Variants in MACROD2 observed in about 807,000 individuals in gnomAD.
MACROD2 encodes mono-ADP ribosylhydrolase 2.
MACROD2 carries 36 observed loss-of-function variants against 70.4 expected under a neutral mutation model. The ratio of observed to expected loss-of-function variants is 0.51; its 90% CI spans 0.39 to 0.68. The LOEUF (loss-of-function observed/expected upper bound fraction) is 0.68. Among genes scored for constraint, MACROD2 ranks in the 30% least tolerant of loss-of-function variants. MACROD2 has a pLI of 0.00. For synonymous variants in MACROD2, 172 were observed against 178.8 expected (o/e 0.96, Z 0.30); for missense variants, 496 against 538.4 (o/e 0.92, Z 0.78).
chr20:14,338,788 C>G (rs781500249), intron 3 of MACROD2, among the ~76,000 whole-genome samples: 1 of 152,078 alleles, frequency 6.6e-6, no homozygotes, highest in Non-Finnish European at 1.5e-5. Context: ...ATTTCTATGC[C>G]TAATTAACAG....
At chr20:15,067,014 GA>G (rs538398938) in intron 5 of MACROD2, among the ~76,000 whole-genome samples, 6 of 151,966 alleles carry the variant, frequency 3.9e-5, no homozygotes, top group South Asian at 2.1e-4. Flanking sequence ...ACAAAGAATG[GA>G]AAAAAAGTAA....
intron 5 of MACROD2, among the ~76,000 whole-genome samples, chr20:15,199,735 T>C (rs1007618893): frequency 6.6e-6 from 1 of 152,220 alleles, no homozygotes; most frequent in Admixed American, 6.5e-5. Context: ...CATGCTGTTT[T>C]AAAGTTTGTT....
intron 2 of MACROD2, among the ~76,000 whole-genome samples, chr20:14,056,200 C>T (rs1412893265): frequency 6.6e-6 from 1 of 151,994 alleles, no homozygotes; most frequent in Non-Finnish European, 1.5e-5. Context: ...AAATTATTAG[C>T]AAACACTTAT....
intron 5 of MACROD2, among the ~76,000 whole-genome samples, chr20:15,089,595 G>A (rs1224103702): frequency 1.3e-5 from 2 of 152,012 alleles, no homozygotes; most frequent in Admixed American, 6.6e-5. Flanking sequence ...ATGGCCCAAA[G>A]CAAAAGGTCT....
chr20:15,366,731 T>C (rs1206275896), intron 6 of MACROD2, among the ~76,000 whole-genome samples: 1 of 151,514 alleles, frequency 6.6e-6, no homozygotes, highest in East Asian at 2.0e-4. Flanking sequence ...TTTTTTTATT[T>C]CTTAGTTTCT....
At chr20:14,511,315 T>C (rs1436142787) in intron 4 of MACROD2, among the ~76,000 whole-genome samples, 1 of 152,074 alleles carries the variant, frequency 6.6e-6, no homozygotes, top group African/African-American at 2.4e-5. Context: ...CTTGAGGGGA[T>C]GGACACCCCA....
At chr20:14,987,267 T>G (rs1315163516) in intron 5 of MACROD2, among the ~76,000 whole-genome samples, 2 of 152,142 alleles carry the variant, frequency 1.3e-5, no homozygotes, top group Non-Finnish European at 2.9e-5. Context: ...CTTACTTATT[T>G]CTGGAATGGT....
At position 15,401,791 on chromosome 20, in the gene MACROD2, A is replaced by C. The variant is rs183199639; in HGVS notation, c.541-29614A>C. 6.5e-4 allele frequency among the ~76,000 whole-genome samples: 99 copies of C among 152,308 alleles called. No homozygotes were observed. The Middle Eastern group carries it at 0.02, about 31-fold the overall frequency. The stretch of plus-strand genomic sequence containing the variant: ...AGAAATTGTAGTTATAGGATCCACC[A>C]GGTAGATTTCAGAGCTGGACAAAGG... On this transcript the variant is annotated intron_variant, in intron 6 of 17. Coordinates refer to ENST00000684519, the MANE Select transcript of MACROD2 (RefSeq NM_001351661.2).
chr20:14,540,847 A>G (rs1229217786), intron 4 of MACROD2, among the ~76,000 whole-genome samples: 1 of 152,214 alleles, frequency 6.6e-6, no homozygotes, highest in Non-Finnish European at 1.5e-5. Flanking sequence ...TCAAGGAAAG[A>G]AAAATCAGGC....
chr20:15,036,203 C>T lies in MACROD2; in HGVS notation c.419-193737C>T, dbSNP rs185125715. 6.0e-3 allele frequency among the ~76,000 whole-genome samples: 918 copies of T among 151,878 alleles called. 12 individuals are homozygous for T. The highest frequency in any genetic ancestry group is 9.0e-3 in the Non-Finnish European group (609 of 67,912). On this transcript the variant is annotated intron_variant, in intron 5 of 17. Coordinates refer to ENST00000684519, the MANE Select transcript of MACROD2 (RefSeq NM_001351661.2). ...AATTATCACATTAATACTCTTTTTT[C>T]GTGTTTAAATGCAATCCATCTTCCT...
intron 4 of MACROD2, chr20:14,493,818 C>A: frequency 5.7e-6 from 1 of 176,972 alleles, no homozygotes; most frequent in Admixed American, 5.9e-5. Context: ...TACAGAGTAA[C>A]TATGTACATA....
rs187316310 is a variant in MACROD2 at position 15,507,344 on chromosome 20, C to G, written c.645+7497C>G. On this transcript the variant is annotated intron_variant, in intron 8 of 17. Coordinates refer to ENST00000684519, the MANE Select transcript of MACROD2 (RefSeq NM_001351661.2). ...CCTTCCTGCTTCTCCCAATTCCCTC[C>G]TCCCTTTTTCCTTCCTTTTTCTTTC... 1.4e-3 allele frequency among the ~76,000 whole-genome samples: 212 copies of G among 150,994 alleles called. 1 individual carries two copies. The highest frequency in any genetic ancestry group is 3.9e-3 in the African/African-American group (159 of 41,082).
intron 3 of MACROD2, among the ~76,000 whole-genome samples, chr20:14,277,224 C>T (rs938360157): frequency 2.6e-5 from 4 of 152,046 alleles, no homozygotes; most frequent in African/African-American, 9.6e-5. Flanking sequence ...CTGAGGGGGG[C>T]GGATCGTGAG....
At chr20:15,109,103 A>G (rs1432147234) in intron 5 of MACROD2, among the ~76,000 whole-genome samples, 2 of 152,190 alleles carry the variant, frequency 1.3e-5, no homozygotes, top group Non-Finnish European at 2.9e-5. Context: ...GGCTTCTTTT[A>G]TGCTTCAACA....
intron 3 of MACROD2, among the ~76,000 whole-genome samples, chr20:14,172,736 G>T (rs764928901): frequency 3.9e-5 from 6 of 151,928 alleles, no homozygotes; most frequent in African/African-American, 1.5e-4. Flanking sequence ...TTGTGTTTTC[G>T]TCTTATAGGT....
rs2076343162 is a variant in MACROD2, at chr20:15,160,804, C to G, written c.419-69136C>G. 3.3e-5 allele frequency among the ~76,000 whole-genome samples: 5 copies of G among 152,176 alleles called. No individual in the cohort carries two copies. In the South Asian group the frequency reaches 1.0e-3, roughly 32 times the overall value. ...GATACATAAATTATTAGTTCCTAAT[C>G]TGATCTGCAACAATTTCAGGAAACA... On this transcript the variant is annotated intron_variant, in intron 5 of 17. Transcript: ENST00000684519.
At chr20:15,814,050 C>A (rs912005118) in intron 8 of MACROD2, among the ~76,000 whole-genome samples, 1 of 151,996 alleles carries the variant, frequency 6.6e-6, no homozygotes, top group East Asian at 1.9e-4. Context: ...GCTCTGATAC[C>A]CTTAACCAAG....
chr20:14,372,838 A>G (rs1191845993), intron 3 of MACROD2, among the ~76,000 whole-genome samples: 1 of 152,182 alleles, frequency 6.6e-6, no homozygotes, highest in Non-Finnish European at 1.5e-5. Context: ...GATGTGATCA[A>G]AAGATTTCAT....
At chr20:15,861,715 C>T (rs768605160) in intron 8 of MACROD2, among the ~76,000 whole-genome samples, 1 of 152,128 alleles carries the variant, frequency 6.6e-6, no homozygotes, top group Admixed American at 6.5e-5. Flanking sequence ...CCCTGTAGAT[C>T]TCCTTTTCTA....
Sources: gnomAD v4.1 joint callset for allele counts (sites outside exome capture counted in the v4.1 genomes callset) on GRCh38, gnomAD v4.1.1 for gene constraint, MANE v1.5 for transcripts, NCBI Gene and HGNC (gene_info 2026-07-23, HGNC 2026-07-21) for gene names.